Variants in TAS2R1 observed in about 807,000 individuals in gnomAD.
TAS2R1 encodes taste receptor type 2 member 1.
For missense variants in TAS2R1, 370 were observed against 353.4 expected, an observed-to-expected ratio of 1.05 and a Z score of -0.38; for synonymous variants, 141 against 134.2, an observed-to-expected ratio of 1.05 and a Z score of -0.35.
At chr5:9,862,835 G>C in the TAS2R1 span, 1 of 152,140 alleles carries the variant, frequency 6.6e-6, no homozygotes, top group Non-Finnish European at 1.5e-5. Flanking sequence ...GGCTGGTCTT[G>C]AATTACTGAG....
At chr5:9,760,950 T>G in the TAS2R1 span, 1 of 152,200 alleles carries the variant, frequency 6.6e-6, no homozygotes, top group South Asian at 2.1e-4. Context: ...CTCGTCGATC[T>G]CCGAAGCTAA....
chr5:9,777,879 T>TTTG, the TAS2R1 span, among the ~76,000 whole-genome samples: 20 of 149,808 alleles, frequency 1.3e-4, no homozygotes, highest in East Asian at 3.9e-3. Context: ...GGCCAGGTGT[T>TTTG]TTTTTTTTTT....
At chr5:9,897,203 C>T in the TAS2R1 span, among the ~76,000 whole-genome samples, 2 of 152,212 alleles carry the variant, frequency 1.3e-5, no homozygotes, top group Non-Finnish European at 2.9e-5. Flanking sequence ...ATAATCCCAG[C>T]ACTTTGGGAG....
intron 1 of TAS2R1, among the ~76,000 whole-genome samples, chr5:9,668,588 G>A (rs1740686619): frequency 6.6e-6 from 1 of 152,132 alleles, no homozygotes; most frequent in African/African-American, 2.4e-5. Flanking sequence ...CAAGCCAGAA[G>A]AGATTAGAGG....
the TAS2R1 span, among the ~76,000 whole-genome samples, chr5:9,874,142 A>G: frequency 6.6e-6 from 1 of 152,210 alleles, no homozygotes; most frequent in African/African-American, 2.4e-5. Context: ...TATACAACAT[A>G]AAATTTTATA....
chr5:9,884,282 TG>T, the TAS2R1 span, among the ~76,000 whole-genome samples: 17 of 151,866 alleles, frequency 1.1e-4, no homozygotes, highest in African/African-American at 1.7e-4. Flanking sequence ...GAGACCATCC[TG>T]GCTAACACAA....
the TAS2R1 span, among the ~76,000 whole-genome samples, chr5:9,752,833 C>T: frequency 6.6e-6 from 1 of 151,906 alleles, no homozygotes; most frequent in Non-Finnish European, 1.5e-5. Context: ...TTTGCTGAGA[C>T]TGATGGTTTC....
At chr5:9,871,842 C>A in the TAS2R1 span, among the ~76,000 whole-genome samples, 4 of 152,114 alleles carry the variant, frequency 2.6e-5, no homozygotes, top group Admixed American at 6.5e-5. Context: ...TCAGAATACA[C>A]CCTGGGAAAT....
At chr5:9,709,828 T>C (rs1741696074) in intron 1 of TAS2R1, among the ~76,000 whole-genome samples, 1 of 152,226 alleles carries the variant, frequency 6.6e-6, no homozygotes, top group Non-Finnish European at 1.5e-5. Context: ...CCTAATTCCT[T>C]ACCCATAGAA....
At chr5:9,795,233 A>C in the TAS2R1 span, among the ~76,000 whole-genome samples, 3 of 152,200 alleles carry the variant, frequency 2.0e-5, no homozygotes, top group Non-Finnish European at 2.9e-5. Context: ...GATTCTTTCT[A>C]TCTACTTGAA....
chr5:9,856,704 A>T, the TAS2R1 span, among the ~76,000 whole-genome samples: 1 of 152,222 alleles, frequency 6.6e-6, no homozygotes, highest in Admixed American at 6.5e-5. Flanking sequence ...AAACCCTTAG[A>T]CAATAAACTG....
At chr5:9,742,085 G>T in the TAS2R1 span, among the ~76,000 whole-genome samples, 1 of 151,824 alleles carries the variant, frequency 6.6e-6, no homozygotes, top group Non-Finnish European at 1.5e-5. Flanking sequence ...AGTAGAGATG[G>T]GTTTCTCCAT....
the TAS2R1 span, among the ~76,000 whole-genome samples, chr5:9,733,832 GA>G: frequency 4.0e-3 from 576 of 145,074 alleles, 3 homozygotes; most frequent in Middle Eastern, 7.2e-3. Flanking sequence ...CCTCCGAAAA[GA>G]AAAAAAAAAT....
chr5:9,888,584 C>CA, the TAS2R1 span, among the ~76,000 whole-genome samples: 1 of 152,170 alleles, frequency 6.6e-6, no homozygotes, highest in Non-Finnish European at 1.5e-5. Context: ...AGGGTGGACC[C>CA]AAAGCTGTGT....
In TAS2R1 at chr5:9,644,168, A is replaced by G. The variant is rs74537506; in HGVS notation, c.-80-14176T>C. Among the ~76,000 whole-genome samples, 295 of 152,302 alleles carry G rather than the reference A, an allele frequency of 1.9e-3. 2 individuals are homozygous for G. Among genetic ancestry groups the G allele is most frequent in the African/African-American group, 6.6e-3 (274 of 41,576 alleles). On this transcript the variant is annotated intron_variant, in intron 2 of 2. Transcript: ENST00000506620. ...GAGGGGGAAGCTTTGTTATAATCAC[A>G]TTTATATCCTACAACATTTACTCTG...
intron 2 of TAS2R1, among the ~76,000 whole-genome samples, chr5:9,655,045 C>A (rs1049308620): frequency 6.6e-6 from 1 of 152,100 alleles, no homozygotes; most frequent in Non-Finnish European, 1.5e-5. Context: ...AGGCCAGACA[C>A]AACAAAGAAT....
the TAS2R1 span, among the ~76,000 whole-genome samples, chr5:9,856,099 C>A: frequency 1.1e-4 from 16 of 152,164 alleles, 1 homozygote; most frequent in Admixed American, 3.9e-4. Flanking sequence ...TAGAACCAAA[C>A]CTTCAGATAG....
the TAS2R1 span, among the ~76,000 whole-genome samples, chr5:9,793,596 A>C: frequency 6.6e-6 from 1 of 152,190 alleles, no homozygotes; most frequent in Non-Finnish European, 1.5e-5. Flanking sequence ...GCTCCGCTGC[A>C]GTTCTCAGTC....
the TAS2R1 span, among the ~76,000 whole-genome samples, chr5:9,719,905 G>A: frequency 3.5e-5 from 4 of 113,986 alleles, no homozygotes; most frequent in Admixed American, 1.2e-4. Flanking sequence ...GCGACAGAGC[G>A]AAGATTCCGA....
Sources: gnomAD v4.1 joint callset for allele counts (sites outside exome capture counted in the v4.1 genomes callset) on GRCh38, gnomAD v4.1.1 for gene constraint, MANE v1.5 for transcripts, NCBI Gene and HGNC (gene_info 2026-07-23, HGNC 2026-07-21) for gene names.